Variants in KCNJ15 observed in about 807,000 individuals in gnomAD.
KCNJ15 encodes ATP-sensitive inward rectifier potassium channel 15.
KCNJ15 carries 14 observed loss-of-function variants against 23.0 expected under a neutral mutation model. The observed-to-expected ratio is 0.61, with a 90% CI of 0.40 to 0.95. KCNJ15 has a LOEUF of 0.95. Among genes scored for constraint, KCNJ15 ranks in the 40% least tolerant of loss-of-function variants. KCNJ15 has a pLI of 0.00. For missense variants in KCNJ15, 388 were observed against 461.8 expected, an observed-to-expected ratio of 0.84 and a Z score of 1.46; for synonymous variants, 185 against 183.2, an observed-to-expected ratio of 1.01 and a Z score of -0.08.
chr21:38,249,717 C>A (rs914658690), intron 1 of KCNJ15, among the ~76,000 whole-genome samples: 2 of 152,180 alleles, frequency 1.3e-5, no homozygotes, highest in Non-Finnish European at 2.9e-5. Flanking sequence ...TTTTATTCTT[C>A]AGGTCAGACA....
chr21:38,305,898 T>A lies in KCNJ15; in HGVS notation c.*5509T>A, dbSNP rs1986038178. Reference sequence around the variant, plus strand: ...GGAGTATTCCAGAAACATATTTCCCTGGCTTGCCCAATTATCAAGGGAAAA... The same window carrying A: ...GGAGTATTCCAGAAACATATTTCCCAGGCTTGCCCAATTATCAAGGGAAAA... On this transcript the variant is annotated 3_prime_UTR_variant, in exon 3 of 3. Transcript: ENST00000398938. 2 of 152,238 alleles carry A rather than the reference T, an allele frequency of 1.3e-5. No individual in the cohort carries two copies. The highest frequency in any genetic ancestry group is 4.8e-5 in the African/African-American group (2 of 41,464). 9.4% of individuals were successfully genotyped at this position (152,238 alleles called of 1,614,324 possible).
upstream of KCNJ15, among the ~76,000 whole-genome samples, chr21:38,252,270 A>G (rs1207722962): frequency 3.3e-5 from 5 of 152,166 alleles, no homozygotes; most frequent in Admixed American, 2.6e-4. Context: ...CACCTATGGA[A>G]ATCTTGTGGG....
At position 38,299,065 on chromosome 21, in the gene KCNJ15, C is replaced by CCT. The variant is rs1985465190; in HGVS notation, c.-18-176_-18-175dup. Among the ~76,000 whole-genome samples, 1 of 152,186 alleles carries CCT rather than the reference C, an allele frequency of 6.6e-6. No homozygotes were observed. The highest frequency in any genetic ancestry group is 6.5e-5 in the Admixed American group (1 of 15,274). On this transcript the variant is annotated intron_variant, in intron 2 of 2. Transcript: ENST00000398938. The surrounding 1 kb of genome is among the most constrained non-coding windows in gnomAD (Gnocchi z 4.5). ...AACCCCGGTCTGCTTTTCTGCAAAG[C>CCT]CTCTGCTCCTCACTCTACCCTACCG...
intron 1 of KCNJ15, among the ~76,000 whole-genome samples, chr21:38,288,983 T>C (rs897617088): frequency 1.3e-5 from 2 of 152,088 alleles, no homozygotes; most frequent in Admixed American, 6.6e-5. Flanking sequence ...GCAGATCACT[T>C]GAGGTCAGGA....
intron 1 of KCNJ15, among the ~76,000 whole-genome samples, chr21:38,281,065 A>T (rs1004927467): frequency 3.9e-5 from 6 of 152,156 alleles, no homozygotes; most frequent in African/African-American, 1.2e-4. Flanking sequence ...CTGGTTAGAA[A>T]TGCAAATTCT....
intron 1 of KCNJ15, among the ~76,000 whole-genome samples, chr21:38,276,622 G>A (rs2123664839): frequency 6.6e-6 from 1 of 152,152 alleles, no homozygotes; most frequent in South Asian, 2.1e-4. Flanking sequence ...TAATACCTGG[G>A]TGTTGAAATA....
intron 1 of KCNJ15, chr21:38,238,444 G>C (rs942599970): frequency 4.5e-6 from 3 of 669,650 alleles, no homozygotes; most frequent in Non-Finnish European, 8.5e-6. Context: ...CAGAACTTTG[G>C]TGTCCTTGGC....
intron 1 of KCNJ15, among the ~76,000 whole-genome samples, chr21:38,282,382 G>C: frequency 6.6e-6 from 1 of 152,120 alleles, no homozygotes; most frequent in Middle Eastern, 3.2e-3. Flanking sequence ...GAAGTAATTT[G>C]TTGGATGAAA....
At position 38,301,014 on chromosome 21, in the gene KCNJ15, C is replaced by A. The variant is rs1296677497; in HGVS notation, c.*625C>A. 1 of 166,914 alleles carries A rather than the reference C, an allele frequency of 6.0e-6. No individual in the cohort carries two copies. Among genetic ancestry groups the A allele is most frequent in the African/African-American group, 2.4e-5 (1 of 41,420 alleles). The allele number at this position is 166,914 out of a possible 1,614,324, so 10.3% of individuals were successfully genotyped here. On this transcript the variant is annotated 3_prime_UTR_variant, in exon 3 of 3. Coordinates refer to ENST00000398938, the MANE Select transcript of KCNJ15 (RefSeq NM_170736.3). Reference sequence around the variant, plus strand: ...ATCTGTAATTCACAACTGTGGAAACCTACACAAATGGGGCTGATGCCATTG... The same window carrying A: ...ATCTGTAATTCACAACTGTGGAAACATACACAAATGGGGCTGATGCCATTG...
In KCNJ15 at chr21:38,267,725, A is replaced by G. The variant is rs542373069; in HGVS notation, c.-117+10540A>G. Among the ~76,000 whole-genome samples, 3 of 152,356 alleles carry G rather than the reference A, an allele frequency of 2.0e-5. No homozygotes were observed. In the East Asian group the frequency reaches 5.8e-4, roughly 29 times the overall value. On this transcript the variant is annotated intron_variant, in intron 1 of 2. Transcript: ENST00000398938. Reference sequence around the variant, plus strand: ...CAGATGAAAAGCCTGAGAGAAACTGAGAGATTATCATTTGGCTGGCAGAGC... The same window carrying G: ...CAGATGAAAAGCCTGAGAGAAACTGGGAGATTATCATTTGGCTGGCAGAGC...
At position 38,305,094 on chromosome 21, in the gene KCNJ15, A is replaced by AAG. The variant is rs1480952497; in HGVS notation, c.*4706_*4707insGA. On this transcript the variant is annotated 3_prime_UTR_variant, in exon 3 of 3. Transcript: ENST00000398938. ...AAACTCCGTCTCAAAAAAAAAAAAA[A>AAG]AAAGAAAAAGAAAAAGAAAAGAAAA... 1.6e-4 allele frequency: 23 copies of AAG among 143,884 alleles called. No homozygotes were observed. The highest frequency in any genetic ancestry group is 3.6e-4 in the Non-Finnish European group (23 of 64,484). 8.9% of individuals were successfully genotyped at this position (143,884 alleles called of 1,614,324 possible).
In KCNJ15 at chr21:38,292,904, G is replaced by T. The variant is rs560107074; in HGVS notation, c.-116-4022G>T. Among the ~76,000 whole-genome samples the T allele has an allele frequency of 1.9e-4, 29 of 150,016 alleles. 1 individual carries two copies. The South Asian group carries it at 4.6e-3, about 24-fold the overall frequency. On this transcript the variant is annotated intron_variant, in intron 1 of 2. Transcript: ENST00000398938. ...GAGTCGCTTGAACCCAGGAGGCAGA[G>T]ATTGCAGTGAGCCAAGATTGTGCCA...
intron 1 of KCNJ15, chr21:38,237,114 T>C (rs1387045453): frequency 2.6e-5 from 4 of 152,294 alleles, no homozygotes; most frequent in Admixed American, 1.3e-4. Context: ...GACATGTCTA[T>C]TGGCAAACTC....
At chr21:38,256,365 T>TATATATATATATATATATATATATATAA (rs1980239198), upstream of KCNJ15, among the ~76,000 whole-genome samples, 1 of 92,586 alleles carries the variant, frequency 1.1e-5, no homozygotes. Flanking sequence ...TCAGCTTATA[T>TATATATATATATATATATATATATATAA]ATATATATAT....
intron 1 of KCNJ15, among the ~76,000 whole-genome samples, chr21:38,245,507 C>G (rs1194468216): frequency 6.6e-6 from 1 of 151,186 alleles, no homozygotes; most frequent in East Asian, 1.9e-4. Flanking sequence ...CTTCATAAGA[C>G]TGTATCTGAA....
At position 38,299,141 on chromosome 21, in the gene KCNJ15, G is replaced by T. The variant is rs1489404260; in HGVS notation, c.-18-103G>T. The stretch of plus-strand genomic sequence containing the variant: ...CTTGCCTTCAGAATTCTCCTTTCTT[G>T]TGTACTTCCATGTACATTCATACTT... On this transcript the variant is annotated intron_variant, in intron 2 of 2. Coordinates refer to ENST00000398938, the MANE Select transcript of KCNJ15 (RefSeq NM_170736.3). The surrounding 1 kb of genome is among the most constrained non-coding windows in gnomAD (Gnocchi z 4.5). 1 of 899,960 alleles carries T rather than the reference G, an allele frequency of 1.1e-6. No individual in the cohort carries two copies. Among genetic ancestry groups the T allele is most frequent in the African/African-American group, 1.7e-5 (1 of 59,794 alleles). The allele number at this position is 899,960 out of a possible 1,614,324, so 55.7% of individuals were successfully genotyped here. A position where few individuals can be genotyped will look rare whatever the true frequency, so the allele number is the denominator to read the frequency against.
chr21:38,233,144 A>T (rs1978380983), intron 1 of KCNJ15, among the ~76,000 whole-genome samples: 1 of 151,970 alleles, frequency 6.6e-6, no homozygotes, highest in Non-Finnish European at 1.5e-5. Context: ...TTAGGTATTT[A>T]TATGATTATA....
intron 1 of KCNJ15, among the ~76,000 whole-genome samples, chr21:38,250,090 C>A (rs1216447893): frequency 1.3e-5 from 2 of 152,178 alleles, no homozygotes; most frequent in African/African-American, 4.8e-5. Context: ...CGTAACTTAG[C>A]CAATTCGCAT....
chr21:38,267,899 T>G (rs1215706686), intron 1 of KCNJ15, among the ~76,000 whole-genome samples: 1 of 152,156 alleles, frequency 6.6e-6, no homozygotes, highest in African/African-American at 2.4e-5. Flanking sequence ...TATCATGACT[T>G]AAAAAGTATA....
Sources: allele counts gnomAD v4.1 joint callset (sites outside exome capture counted in the v4.1 genomes callset), GRCh38; gene constraint gnomAD v4.1.1; non-coding constraint Gnocchi (gnomAD v3.1); transcripts MANE v1.5; gene names NCBI Gene and HGNC (gene_info 2026-07-23, HGNC 2026-07-21).